GPATCH2L: variants seen among roughly 807,000 people sequenced by gnomAD.
The protein encoded by GPATCH2L is G patch domain-containing protein 2-like.
Under a neutral mutation model 57.4 loss-of-function variants are expected in GPATCH2L, and 31 were observed. The ratio of observed to expected loss-of-function variants is 0.54; its 90% CI spans 0.41 to 0.73. The LOEUF (loss-of-function observed/expected upper bound fraction) is 0.73. GPATCH2L is among the 30% of genes least tolerant of loss of function. The pLI, the probability that GPATCH2L is intolerant of heterozygous loss-of-function variation, is 0.00. For missense variants in GPATCH2L, 481 were observed against 599.9 expected, an observed-to-expected ratio of 0.80 and a Z score of 2.07; for synonymous variants, 199 against 210.7, an observed-to-expected ratio of 0.94 and a Z score of 0.48.
chr14:76,200,925 A>G (rs1594997667), intron 9 of GPATCH2L, among the ~76,000 whole-genome samples: 2 of 152,212 alleles, frequency 1.3e-5, no homozygotes, highest in East Asian at 3.9e-4. Flanking sequence ...GTGCCACTCC[A>G]CTCAGGGGCA....
At chr14:76,152,809 G>A (rs1483611919) in intron 1 of GPATCH2L, 1 of 453,924 alleles carries the variant, frequency 2.2e-6, no homozygotes, top group Non-Finnish European at 4.4e-6. Flanking sequence ...TTGTATTTTT[G>A]TTGCCTGAGT....
chr14:76,182,977 GT>G (rs767115966), intron 8 of GPATCH2L, among the ~76,000 whole-genome samples: 2 of 152,220 alleles, frequency 1.3e-5, no homozygotes, highest in African/African-American at 2.4e-5. Flanking sequence ...TGTGTATACT[GT>G]TTGGGAAAAT....
intron 5 of GPATCH2L, chr14:76,175,172 A>T (rs528735239): frequency 1.3e-5 from 2 of 152,246 alleles, no homozygotes; most frequent in African/African-American, 4.8e-5. Flanking sequence ...GCTCTTATAA[A>T]ATAAGAGCCA....
chr14:76,220,452 G>T (rs750695421), intron 1 of GPATCH2L, among the ~76,000 whole-genome samples: 1 of 152,104 alleles, frequency 6.6e-6, no homozygotes, highest in East Asian at 1.9e-4. Flanking sequence ...CTACCAGAAA[G>T]ATAGAGTTTG....
At chr14:76,225,925 T>C (rs919683761) in intron 1 of GPATCH2L, among the ~76,000 whole-genome samples, 2 of 152,136 alleles carry the variant, frequency 1.3e-5, no homozygotes, top group Non-Finnish European at 2.9e-5. Flanking sequence ...TACTACATAC[T>C]CAACAGAAGG....
chr14:76,195,816 T>A, intron 8 of GPATCH2L, 62 bp from the exon 9 acceptor site: 1 of 1,226,740 alleles, frequency 8.2e-7, no homozygotes, highest in East Asian at 2.3e-5. Context: ...CTGGGCTACA[T>A]GTAATGTCTT....
chr14:76,165,282 A>G (rs2038777368), intron 2 of GPATCH2L, among the ~76,000 whole-genome samples: 1 of 152,118 alleles, frequency 6.6e-6, no homozygotes, highest in Admixed American at 6.5e-5. Context: ...TCATGAGGTC[A>G]GGAGTTCGAG....
rs2039340171 is a variant in GPATCH2L, at chr14:76,176,634, A to G, written c.996A>G (p.Ile332Met). 5 of 1,608,692 alleles carry G rather than the reference A, an allele frequency of 3.1e-6. No homozygotes were observed. Among genetic ancestry groups the G allele is most frequent in the Non-Finnish European group, 4.3e-6 (5 of 1,175,140 alleles). ...CCTTTTCTTTTTAGGAGACCAGCAT[A>G]AACACTTTGGGGACTGAGAGGATAA... ...RRRLVGKETSINTLGTERISH... is the reference protein window; with the variant it reads ...RRRLVGKETSMNTLGTERISH... The change falls in exon 6 of 10, where the codon ATA becomes ATG. Residue 332 changes from isoleucine (I) to methionine (M), a missense_variant. By Grantham distance (10) the Ile-to-Met change is conservative. Transcript: ENST00000261530.
chr14:76,194,097 C>CTG lies in GPATCH2L; in HGVS notation c.1194-1779_1194-1778dup, dbSNP rs201084596. ...CCACCACTCCGTTCAGACTGAAGTC[C>CTG]TGTCTCCCTTTGATGTTGTCACCTG... On this transcript the variant is annotated intron_variant, in intron 8 of 9. Coordinates refer to ENST00000261530, the MANE Select transcript of GPATCH2L (RefSeq NM_017926.4). 5.5e-4 allele frequency among the ~76,000 whole-genome samples: 83 copies of CTG among 152,224 alleles called. No individual in the cohort carries two copies. The East Asian group carries it at 0.014, about 26-fold the overall frequency.
At chr14:76,231,589 C>T (rs1170293842) in intron 2 of GPATCH2L, among the ~76,000 whole-genome samples, 1 of 147,384 alleles carries the variant, frequency 6.8e-6, no homozygotes, top group Non-Finnish European at 1.5e-5. Context: ...ATGGAATCAC[C>T]CCTAGTATGG....
rs2040347993 is a variant in GPATCH2L, at chr14:76,204,051, A to G, written c.*2200A>G. ...ATACAACATTATTTACATTTCAAACATCTCTACGAAGTCATGCCATTTTAA... is the reference window on the plus strand; with the variant it reads ...ATACAACATTATTTACATTTCAAACGTCTCTACGAAGTCATGCCATTTTAA... On this transcript the variant is annotated 3_prime_UTR_variant, in exon 10 of 10. Coordinates refer to ENST00000261530, the MANE Select transcript of GPATCH2L (RefSeq NM_017926.4). The G allele has an allele frequency of 6.6e-6, 1 of 152,200 alleles. No individual in the cohort carries two copies. The highest frequency in any genetic ancestry group is 1.5e-5 in the Non-Finnish European group (1 of 68,042). The allele number at this position is 152,200 out of a possible 1,614,324, so 9.4% of individuals were successfully genotyped here.
At chr14:76,196,115 G>A (rs1378943993) in intron 9 of GPATCH2L, 143 bp downstream of exon 9, 1 of 738,222 alleles carries the variant, frequency 1.4e-6, no homozygotes, top group East Asian at 2.7e-5. Context: ...GAGACTACAA[G>A]AAATAATTAG....
intron 9 of GPATCH2L, 135 bp downstream of exon 9, chr14:76,196,107 G>C (rs899639238): frequency 1.3e-6 from 1 of 751,190 alleles, no homozygotes; most frequent in Non-Finnish European, 2.4e-6. Context: ...GGAAAACTGA[G>C]ACTACAAGAA....
At chr14:76,171,568 A>G (rs769983540) in intron 3 of GPATCH2L, among the ~76,000 whole-genome samples, 16 of 149,124 alleles carry the variant, frequency 1.1e-4, no homozygotes, top group Non-Finnish European at 1.2e-4. Flanking sequence ...AGGCAACAGA[A>G]CAAGAATCCA....
intron 2 of GPATCH2L, 138 bp from the exon 3 acceptor site, chr14:76,166,525 C>T (rs1003627646): frequency 2.1e-5 from 11 of 531,440 alleles, no homozygotes; most frequent in African/African-American, 1.3e-4. Flanking sequence ...AACTTTGTAG[C>T]TTCCTGATGA....
chr14:76,208,785 A>G lies in GPATCH2L; in HGVS notation c.*6934A>G, dbSNP rs1354550245. 1 of 152,246 alleles carries G rather than the reference A, an allele frequency of 6.6e-6. No homozygotes were observed. Among genetic ancestry groups the G allele is most frequent in the Non-Finnish European group, 1.5e-5 (1 of 68,074 alleles). 9.4% of individuals were successfully genotyped at this position (152,246 alleles called of 1,614,324 possible). A position where few individuals can be genotyped will look rare whatever the true frequency, so the allele number is the denominator to read the frequency against. On this transcript the variant is annotated 3_prime_UTR_variant, in exon 10 of 10. Coordinates refer to ENST00000261530, the MANE Select transcript of GPATCH2L (RefSeq NM_017926.4). ...ACCCTTTGAAAGCCTGAGTACCACT[A>G]AGGTATACTGCCCTTATCTGCACTC...
At chr14:76,185,172 G>C (rs2039719143) in intron 8 of GPATCH2L, among the ~76,000 whole-genome samples, 2 of 152,294 alleles carry the variant, frequency 1.3e-5, no homozygotes, top group South Asian at 4.2e-4. Context: ...TAGTTGGATT[G>C]TTGGCTGGGT....
intron 8 of GPATCH2L, among the ~76,000 whole-genome samples, chr14:76,184,026 GTGTGTGTGTGTGT>G (rs2039675367): frequency 3.4e-5 from 5 of 146,276 alleles, no homozygotes; most frequent in South Asian, 2.1e-4. Flanking sequence ...TTAGCATGGT[GTGTGTGTGTGTGT>G]GTGTGTGTGT....
intron 2 of GPATCH2L, among the ~76,000 whole-genome samples, chr14:76,162,728 G>A (rs1201860051): frequency 2.0e-5 from 3 of 152,204 alleles, no homozygotes; most frequent in African/African-American, 7.2e-5. Flanking sequence ...AAGGGCAAGT[G>A]AGGTATGGGT....
Sources: allele counts gnomAD v4.1 joint callset (sites outside exome capture counted in the v4.1 genomes callset), GRCh38; gene constraint gnomAD v4.1.1; transcripts MANE v1.5; gene names NCBI Gene and HGNC (gene_info 2026-07-23, HGNC 2026-07-21).